Variants in TRIM51G observed in about 807,000 individuals in gnomAD.
TRIM51G encodes tripartite motif-containing protein 51G.
chr11:48,977,843 A>G, the TRIM51G span, among the ~76,000 whole-genome samples: 1,178 of 152,172 alleles, frequency 7.7e-3, 18 homozygotes, highest in African/African-American at 0.027. Flanking sequence ...AATTAGGAAT[A>G]GAGATGCTCA....
the TRIM51G span, chr11:48,975,560 T>C: frequency 3.6e-6 from 5 of 1,386,108 alleles, no homozygotes; most frequent in Non-Finnish European, 3.1e-6. Flanking sequence ...TTAGGGATGG[T>C]GTATATCAGG....
At chr11:48,980,899 T>A in the TRIM51G span, 1 of 485,544 alleles carries the variant, frequency 2.1e-6, no homozygotes, top group Non-Finnish European at 4.3e-6. Flanking sequence ...AGTAACACAC[T>A]ACTAACCTTC....
chr11:48,979,802 C>CATATAT, the TRIM51G span, among the ~76,000 whole-genome samples: 3,546 of 147,556 alleles, frequency 0.024, 143 homozygotes, highest in African/African-American at 0.083. Context: ...CATATATATC[C>CATATAT]ATATATATAT....
At chr11:48,981,261 T>C in the TRIM51G span, 5 of 1,602,182 alleles carry the variant, frequency 3.1e-6, no homozygotes, top group African/African-American at 2.7e-5. Flanking sequence ...TGTATAGAAA[T>C]AGATCTTCAG....
chr11:48,976,991 G>C, the TRIM51G span: 2 of 618,568 alleles, frequency 3.2e-6, no homozygotes. Context: ...CTGCTGAAAT[G>C]AAATAAAGAT....
chr11:48,980,583 A>G, the TRIM51G span, among the ~76,000 whole-genome samples: 1 of 152,112 alleles, frequency 6.6e-6, no homozygotes, highest in East Asian at 1.9e-4. Context: ...TGACTGACAA[A>G]TAACACATGT....
the TRIM51G span, chr11:48,981,442 A>G: frequency 6.2e-7 from 1 of 1,607,562 alleles, no homozygotes; most frequent in Non-Finnish European, 8.5e-7. Flanking sequence ...AGAGCTAAGG[A>G]ATTGCCGGAG....
At chr11:48,981,817 A>ACTATTTCC in the TRIM51G span, 1 of 1,057,868 alleles carries the variant, frequency 9.5e-7, no homozygotes, top group East Asian at 2.4e-5. Context: ...AGCGGAACAA[A>ACTATTTCC]CTATTTCCTC....
the TRIM51G span, chr11:48,981,283 AC>A: frequency 6.2e-7 from 1 of 1,604,564 alleles, no homozygotes; most frequent in Non-Finnish European, 8.5e-7. Flanking sequence ...GGCATCACTT[AC>A]CCGGCGTTCC....
chr11:48,978,111 T>A, the TRIM51G span: 1 of 512,846 alleles, frequency 1.9e-6, no homozygotes, highest in African/African-American at 1.9e-5. Context: ...ACTGAAAGAA[T>A]CTGCTAAAAT....
the TRIM51G span, among the ~76,000 whole-genome samples, chr11:48,979,535 T>A: frequency 6.6e-6 from 1 of 152,070 alleles, no homozygotes; most frequent in South Asian, 2.1e-4. Flanking sequence ...TCACCCAGCA[T>A]AACATATTCT....
At chr11:48,981,520 G>T in the TRIM51G span, 4 of 1,604,568 alleles carry the variant, frequency 2.5e-6, no homozygotes, top group Non-Finnish European at 3.4e-6. Flanking sequence ...TCTCTGCCGT[G>T]TTGTCTTCTT....
At chr11:48,982,950 TATATAC>T in the TRIM51G span, among the ~76,000 whole-genome samples, 2,656 of 7,312 alleles carry the variant, frequency 0.36, 83 homozygotes, top group African/African-American at 0.37. Context: ...ATTTTTGGTA[TATATAC>T]ATATATATAT....
the TRIM51G span, among the ~76,000 whole-genome samples, chr11:48,982,968 T>TAC: frequency 1.9e-5 from 2 of 103,056 alleles, no homozygotes; most frequent in African/African-American, 6.8e-5. Context: ...TATATATATA[T>TAC]ATATATATAT....
the TRIM51G span, chr11:48,978,086 T>A: frequency 2.0e-6 from 1 of 494,546 alleles, no homozygotes. Flanking sequence ...AAGTTCCTGC[T>A]TGATATTTGT....
the TRIM51G span, among the ~76,000 whole-genome samples, chr11:48,982,209 C>A: frequency 6.6e-6 from 1 of 151,928 alleles, no homozygotes; most frequent in African/African-American, 2.4e-5. Flanking sequence ...ACCAGATAAA[C>A]AAAAAGACAA....
chr11:48,983,077 C>T, the TRIM51G span, among the ~76,000 whole-genome samples: 1 of 83,664 alleles, frequency 1.2e-5, no homozygotes, highest in African/African-American at 4.7e-5. Context: ...AAGTCCTTTA[C>T]CTGACTCTCT....
chr11:48,976,030 A>G, the TRIM51G span: 2 of 473,576 alleles, frequency 4.2e-6, no homozygotes, highest in South Asian at 1.8e-5. Flanking sequence ...GTATAGATAC[A>G]TGTAATTAAC....
At chr11:48,977,610 T>C in the TRIM51G span, among the ~76,000 whole-genome samples, 5 of 152,302 alleles carry the variant, frequency 3.3e-5, no homozygotes, top group Middle Eastern at 0.01. Flanking sequence ...CCTTTAATAG[T>C]TGAGGTTCTC....
Sources: allele counts gnomAD v4.1 joint callset (sites outside exome capture counted in the v4.1 genomes callset), GRCh38; gene constraint gnomAD v4.1.1; transcripts MANE v1.5; gene names NCBI Gene and HGNC (gene_info 2026-07-23, HGNC 2026-07-21).